Variants in PLXNA2 observed in about 807,000 individuals in gnomAD.
PLXNA2 encodes plexin A2, also known as plexin-A2.
PLXNA2 carries 91 observed loss-of-function variants against 193.5 expected under a neutral mutation model. The ratio of observed to expected loss-of-function variants is 0.47; its 90% CI spans 0.40 to 0.56. The LOEUF is 0.56. PLXNA2 is among the 20% of genes least tolerant of loss of function. The pLI, the probability that PLXNA2 is intolerant of heterozygous loss-of-function variation, is 0.00. For synonymous variants in PLXNA2, 997 were observed against 1,027.3 expected (o/e 0.97, Z 0.56); for missense variants, 1,995 against 2,503.2 (o/e 0.80, Z 4.33).
intron 13 of PLXNA2, among the ~76,000 whole-genome samples, chr1:208,056,973 C>G (rs7549227): frequency 6.6e-6 from 1 of 151,930 alleles, no homozygotes; most frequent in African/African-American, 2.4e-5. Flanking sequence ...GCCTGCAGGC[C>G]AGGGTGGAAA....
chr1:208,102,617 C>A (rs1667132070), intron 5 of PLXNA2, among the ~76,000 whole-genome samples: 1 of 152,190 alleles, frequency 6.6e-6, no homozygotes, highest in Admixed American at 6.5e-5. Context: ...ATTACCAAAG[C>A]ATTTATTATT....
At chr1:208,137,097 A>AT (rs1267860378) in intron 4 of PLXNA2, among the ~76,000 whole-genome samples, 1 of 152,102 alleles carries the variant, frequency 6.6e-6, no homozygotes, top group African/African-American at 2.4e-5. Flanking sequence ...CATCTATGCT[A>AT]TTTTGCCTCT....
chr1:208,113,683 G>A (rs78362697), intron 4 of PLXNA2, among the ~76,000 whole-genome samples: 4,619 of 151,372 alleles, frequency 0.031, 75 homozygotes, highest in Middle Eastern at 0.038. Context: ...CTGAGTAGCT[G>A]AGACTAGAGG....
chr1:208,062,639 G>A (rs1254122150), intron 12 of PLXNA2, among the ~76,000 whole-genome samples: 1 of 152,090 alleles, frequency 6.6e-6, no homozygotes, highest in East Asian at 1.9e-4. Context: ...TCCCTTGTCT[G>A]AAAATAAAAT....
intron 3 of PLXNA2, among the ~76,000 whole-genome samples, chr1:208,151,232 A>G (rs1389127593): frequency 1.3e-5 from 2 of 152,232 alleles, no homozygotes; most frequent in African/African-American, 4.8e-5. Flanking sequence ...TTAATACAGA[A>G]TAACGAGGAA....
intron 10 of PLXNA2, among the ~76,000 whole-genome samples, chr1:208,083,985 C>A (rs1256907818): frequency 6.6e-6 from 1 of 152,134 alleles, no homozygotes; most frequent in Non-Finnish European, 1.5e-5. Context: ...CAAAGAGGTG[C>A]TCTTTCAACT....
At chr1:208,172,762 C>A (rs1669534163) in intron 3 of PLXNA2, among the ~76,000 whole-genome samples, 1 of 152,174 alleles carries the variant, frequency 6.6e-6, no homozygotes, top group South Asian at 2.1e-4. Context: ...CTGCAGGAGC[C>A]TGCACAAAGC....
intron 3 of PLXNA2, among the ~76,000 whole-genome samples, chr1:208,168,231 C>T (rs1455399650): frequency 1.3e-5 from 2 of 152,198 alleles, no homozygotes; most frequent in Non-Finnish European, 2.9e-5. Flanking sequence ...CCTCTCTTTT[C>T]CCCTCTTCAT....
At chr1:208,120,240 A>G (rs1667765595) in intron 4 of PLXNA2, among the ~76,000 whole-genome samples, 1 of 152,244 alleles carries the variant, frequency 6.6e-6, no homozygotes, top group Non-Finnish European at 1.5e-5. Context: ...TTGGAAGAGC[A>G]TAACAAAGAT....
chr1:208,092,004 CTA>C (rs1422088200), intron 9 of PLXNA2, among the ~76,000 whole-genome samples: 2 of 152,132 alleles, frequency 1.3e-5, no homozygotes, highest in South Asian at 4.1e-4. Flanking sequence ...TGTAATGTCT[CTA>C]TAGTTGTTCA....
At chr1:208,238,890 G>T (rs1357880721) in intron 1 of PLXNA2, among the ~76,000 whole-genome samples, 1 of 152,206 alleles carries the variant, frequency 6.6e-6, no homozygotes, top group Non-Finnish European at 1.5e-5. Flanking sequence ...TGGCGGGCCA[G>T]CCAGCAGATT....
intron 5 of PLXNA2, 80 bp from the exon 6 acceptor site, chr1:208,099,049 G>T (rs570833657): frequency 6.5e-7 from 1 of 1,544,368 alleles, no homozygotes; most frequent in South Asian, 1.2e-5. Flanking sequence ...GGCAGGATGG[G>T]AGTTTGCTGC....
chr1:208,107,384 A>G (rs1667303854), intron 4 of PLXNA2, among the ~76,000 whole-genome samples: 1 of 152,164 alleles, frequency 6.6e-6, no homozygotes, highest in South Asian at 2.1e-4. Context: ...TATGGAAGGA[A>G]TTAGAGGGAT....
At chr1:208,204,816 G>A (rs1670666404) in intron 3 of PLXNA2, among the ~76,000 whole-genome samples, 1 of 152,156 alleles carries the variant, frequency 6.6e-6, no homozygotes, top group African/African-American at 2.4e-5. Context: ...GATGCTGTGG[G>A]GTCTAGGAGG....
rs141837222 is a variant in PLXNA2, at chr1:208,028,046, T to C, written c.5552A>G (p.Asn1851Ser). 5.5e-5 allele frequency: 89 copies of C among 1,608,776 alleles called. No homozygotes were observed. The highest frequency in any genetic ancestry group is 6.4e-5 in the Non-Finnish European group (75 of 1,177,576). Residue 1851 changes from asparagine to serine, a missense_variant, in exon 31 of 32, where the codon AAT becomes AGT. Around this residue, in one of 3 missense-constraint regions of PLXNA2, gnomAD observed 1,291 missense variants for 1,673.6 expected, o/e 0.77. Coordinates refer to ENST00000367033, the MANE Select transcript of PLXNA2 (RefSeq NM_025179.4). This position sits in a 1 kb window ranked among gnomAD's most constrained non-coding sequence, Gnocchi z 4.2. ...AVEFNMLSAL[N>S]EIYSYVSKYS... ...CTTGCTGACATAGGAGTAGATCTCATTGAGGGCACTCAGCATGTTGAACTC... is the reference window on the plus strand; with the variant it reads ...CTTGCTGACATAGGAGTAGATCTCACTGAGGGCACTCAGCATGTTGAACTC...
intron 3 of PLXNA2, among the ~76,000 whole-genome samples, chr1:208,191,507 T>C (rs1360506627): frequency 6.6e-6 from 1 of 152,202 alleles, no homozygotes; most frequent in East Asian, 1.9e-4. Flanking sequence ...AATATTACTG[T>C]TTCCTGAGTA....
intron 5 of PLXNA2, among the ~76,000 whole-genome samples, chr1:208,099,340 C>T (rs979168077): frequency 2.0e-5 from 3 of 152,166 alleles, no homozygotes. Context: ...CGGGAGCGGG[C>T]CTGAGCATAG....
At chr1:208,122,356 G>T (rs1290268900) in intron 4 of PLXNA2, among the ~76,000 whole-genome samples, 1 of 152,178 alleles carries the variant, frequency 6.6e-6, no homozygotes, top group Non-Finnish European at 1.5e-5. Flanking sequence ...ACCCTGGTTT[G>T]AATTCTGTTT....
At chr1:208,107,118 G>A (rs1667293966) in intron 4 of PLXNA2, among the ~76,000 whole-genome samples, 1 of 152,196 alleles carries the variant, frequency 6.6e-6, no homozygotes, top group African/African-American at 2.4e-5. Flanking sequence ...GGCCCTCAAG[G>A]AGCAATGGCC....
Sources: allele counts gnomAD v4.1 joint callset (sites outside exome capture counted in the v4.1 genomes callset), GRCh38; gene constraint gnomAD v4.1.1; regional missense constraint gnomAD v4.1.1; non-coding constraint Gnocchi (gnomAD v3.1); transcripts MANE v1.5; gene names NCBI Gene and HGNC (gene_info 2026-07-23, HGNC 2026-07-21).